The following CIRSR variants were observed in gnomAD, a reference collection of about 807,000 sequenced individuals.
CIRSR encodes the protein corepressor of RBPJ and splicing regulator.
At chr2:174,348,741 C>A in the CIRSR span, 2 of 1,614,190 alleles carry the variant, frequency 1.2e-6, no homozygotes, top group Non-Finnish European at 1.7e-6. Flanking sequence ...TCTTTCAGAG[C>A]CTCTCTTCTC....
the CIRSR span, among the ~76,000 whole-genome samples, chr2:174,385,565 A>G: frequency 6.6e-5 from 10 of 152,142 alleles, no homozygotes; most frequent in Non-Finnish European, 1.2e-4. Context: ...GTTGATTCCA[A>G]TGCTGCAGCA....
the CIRSR span, among the ~76,000 whole-genome samples, chr2:174,367,477 G>A: frequency 7.9e-5 from 12 of 152,244 alleles, no homozygotes; most frequent in Admixed American, 4.6e-4. Flanking sequence ...CTACTTGTGA[G>A]GCTGAGGCAG....
chr2:174,349,667 T>C, the CIRSR span, among the ~76,000 whole-genome samples: 4 of 151,272 alleles, frequency 2.6e-5, no homozygotes, highest in African/African-American at 9.7e-5. Context: ...AAAGCGTGAA[T>C]ACATTAAATT....
At chr2:174,362,079 C>G in the CIRSR span, among the ~76,000 whole-genome samples, 1 of 152,100 alleles carries the variant, frequency 6.6e-6, no homozygotes, top group Non-Finnish European at 1.5e-5. Flanking sequence ...CAGAGGAACA[C>G]TTGAACCTGG....
chr2:174,381,651 T>C, the CIRSR span: 1 of 1,386,506 alleles, frequency 7.2e-7, no homozygotes, highest in Non-Finnish European at 9.9e-7. Context: ...GGCAAGACTG[T>C]GCCTCAGAAA....
chr2:174,353,254 C>G, the CIRSR span, among the ~76,000 whole-genome samples: 1 of 152,036 alleles, frequency 6.6e-6, no homozygotes, highest in African/African-American at 2.4e-5. Flanking sequence ...AACAAAAACA[C>G]CTGTCTTATA....
chr2:174,390,257 C>G, the CIRSR span, among the ~76,000 whole-genome samples: 1 of 152,250 alleles, frequency 6.6e-6, no homozygotes, highest in African/African-American at 2.4e-5. Flanking sequence ...GGGAGCCTAC[C>G]TCTTGCATCA....
chr2:174,378,639 T>C, the CIRSR span: 1 of 384,884 alleles, frequency 2.6e-6, no homozygotes, highest in East Asian at 6.2e-5. Flanking sequence ...ATTTTTAGGC[T>C]ACTAGCCTGA....
At chr2:174,374,068 A>C in the CIRSR span, among the ~76,000 whole-genome samples, 7 of 152,234 alleles carry the variant, frequency 4.6e-5, no homozygotes, top group African/African-American at 1.7e-4. Context: ...AAAATACTTA[A>C]GTGAACCTTT....
the CIRSR span, among the ~76,000 whole-genome samples, chr2:174,375,328 C>T: frequency 6.6e-6 from 1 of 152,172 alleles, no homozygotes; most frequent in Non-Finnish European, 1.5e-5. Flanking sequence ...TTCATTTTGG[C>T]TGGGCACGGT....
At chr2:174,362,755 G>A in the CIRSR span, among the ~76,000 whole-genome samples, 6 of 142,824 alleles carry the variant, frequency 4.2e-5, no homozygotes, top group East Asian at 4.4e-4. Flanking sequence ...AGGGCAAACC[G>A]CTGCCCTGAA....
chr2:174,380,793 T>C, the CIRSR span: 18 of 1,601,414 alleles, frequency 1.1e-5, no homozygotes, highest in Admixed American at 1.7e-5. Context: ...ACATAGAAAA[T>C]AGTACTTTAC....
At chr2:174,350,885 G>A in the CIRSR span, 4 of 638,666 alleles carry the variant, frequency 6.3e-6, no homozygotes, top group East Asian at 9.0e-5. Flanking sequence ...GGAAGTGGGA[G>A]AGAATTAAAA....
At chr2:174,351,577 G>A in the CIRSR span, 6 of 1,505,460 alleles carry the variant, frequency 4.0e-6, no homozygotes, top group Admixed American at 8.6e-5. Context: ...ATCACATTTA[G>A]ATTTATAGAC....
the CIRSR span, among the ~76,000 whole-genome samples, chr2:174,359,628 C>T: frequency 2.0e-5 from 3 of 152,134 alleles, no homozygotes; most frequent in African/African-American, 7.2e-5. Context: ...TAAACTAGTT[C>T]AACCACTGTG....
chr2:174,393,596 A>C, the CIRSR span, among the ~76,000 whole-genome samples: 1 of 152,008 alleles, frequency 6.6e-6, no homozygotes, highest in African/African-American at 2.4e-5. Context: ...TGCTGGAATT[A>C]TAGGTATGAG....
At chr2:174,363,535 T>C in the CIRSR span, among the ~76,000 whole-genome samples, 2 of 152,156 alleles carry the variant, frequency 1.3e-5, no homozygotes, top group Non-Finnish European at 2.9e-5. Context: ...AATTATAAGG[T>C]ATGCTGTATT....
At chr2:174,391,594 A>C in the CIRSR span, among the ~76,000 whole-genome samples, 56 of 152,282 alleles carry the variant, frequency 3.7e-4, no homozygotes, top group Admixed American at 2.9e-3. Context: ...CATCTCAAAA[A>C]ATAAATAAAT....
chr2:174,351,242 T>A, the CIRSR span, among the ~76,000 whole-genome samples: 1 of 152,170 alleles, frequency 6.6e-6, no homozygotes, highest in Non-Finnish European at 1.5e-5. Flanking sequence ...TATAGTTTAA[T>A]AAAATAAATA....
Sources: allele counts gnomAD v4.1 joint callset (sites outside exome capture counted in the v4.1 genomes callset), GRCh38; gene constraint gnomAD v4.1.1; transcripts MANE v1.5; gene names NCBI Gene and HGNC (gene_info 2026-07-23, HGNC 2026-07-21).